PDE4D: variants seen among roughly 807,000 people sequenced by gnomAD.
PDE4D encodes phosphodiesterase 4D.
PDE4D carries 24 observed loss-of-function variants against 87.4 expected under a neutral mutation model. That is an observed-to-expected ratio of 0.27 (90% CI 0.20 to 0.39). PDE4D has a LOEUF of 0.39. Ranked by LOEUF, PDE4D falls within the 10% of genes least tolerant of loss-of-function variation. The pLI, the probability that PDE4D is intolerant of heterozygous loss-of-function variation, is 1.00. For synonymous variants in PDE4D, 384 were observed against 383.2 expected (o/e 1.00, Z -0.02); for missense variants, 714 against 1,041.0 (o/e 0.69, Z 4.32).
At chr5:59,688,018 A>C (rs1321125329) in intron 1 of PDE4D, among the ~76,000 whole-genome samples, 14 of 152,226 alleles carry the variant, frequency 9.2e-5, no homozygotes, top group Non-Finnish European at 1.5e-5. Context: ...AGAAGAGCTA[A>C]CTATCCTAAA....
At chr5:59,704,631 G>A (rs1753113900) in intron 1 of PDE4D, among the ~76,000 whole-genome samples, 1 of 152,158 alleles carries the variant, frequency 6.6e-6, no homozygotes, top group African/African-American at 2.4e-5. Flanking sequence ...TATAATTCCT[G>A]AATCCAGTGA....
chr5:59,559,421 A>T (rs58844364), intron 1 of PDE4D, among the ~76,000 whole-genome samples: 153 of 152,276 alleles, frequency 1.0e-3, no homozygotes, highest in African/African-American at 3.6e-3. Context: ...AAATTATTTC[A>T]TTTATTACAT....
At chr5:59,688,048 G>A (rs971833288) in intron 1 of PDE4D, among the ~76,000 whole-genome samples, 1 of 152,146 alleles carries the variant, frequency 6.6e-6, no homozygotes, top group South Asian at 2.1e-4. Context: ...ACCCAATACA[G>A]GAGCACCCAG....
chr5:58,972,014 A>G lies in PDE4D; in HGVS notation c.*2650T>C, dbSNP rs1742688060. The G allele has an allele frequency of 6.6e-6, 1 of 152,554 alleles. No individual in the cohort carries two copies. The highest frequency in any genetic ancestry group is 2.1e-4 in the South Asian group (1 of 4,824). 9.5% of individuals were successfully genotyped at this position (152,554 alleles called of 1,614,324 possible). On this transcript the variant is annotated 3_prime_UTR_variant, in exon 15 of 15. Transcript: ENST00000340635. Reference sequence around the variant, plus strand: ...ATTAAAAACCAACAAACTGGAAGAAAAAAAAAGAGCCTCTCTTTATTAGTG... The same window carrying G: ...ATTAAAAACCAACAAACTGGAAGAAGAAAAAAGAGCCTCTCTTTATTAGTG...
intron 1 of PDE4D, among the ~76,000 whole-genome samples, chr5:59,777,721 A>G (rs1202414114): frequency 6.6e-6 from 1 of 152,206 alleles, no homozygotes; most frequent in Admixed American, 6.5e-5. Context: ...CTTTATATTC[A>G]GGCATTTGTG....
At chr5:59,525,148 C>A (rs888883000) in intron 1 of PDE4D, among the ~76,000 whole-genome samples, 1 of 152,184 alleles carries the variant, frequency 6.6e-6, no homozygotes, top group Non-Finnish European at 1.5e-5. Context: ...GCTTGCACTG[C>A]GCACCTGGAA....
At chr5:59,159,730 C>G (rs1780765351) in intron 5 of PDE4D, among the ~76,000 whole-genome samples, 1 of 152,118 alleles carries the variant, frequency 6.6e-6, no homozygotes, top group Non-Finnish European at 1.5e-5. Flanking sequence ...ATGAATTGCC[C>G]TCAACCTTCA....
intron 5 of PDE4D, among the ~76,000 whole-genome samples, chr5:59,080,537 T>A (rs1580695633): frequency 6.6e-6 from 1 of 152,158 alleles, no homozygotes; most frequent in East Asian, 1.9e-4. Flanking sequence ...ATCGTCATAT[T>A]GCTTCTTGCC....
At chr5:59,160,016 T>C (rs186301047) in intron 5 of PDE4D, among the ~76,000 whole-genome samples, 13 of 152,292 alleles carry the variant, frequency 8.5e-5, no homozygotes, top group Admixed American at 5.9e-4. Context: ...AAAGCAGATG[T>C]TCATGAGGAA....
chr5:60,080,211 T>C (rs540157203), intron 2 of PDE4D, among the ~76,000 whole-genome samples: 1 of 152,362 alleles, frequency 6.6e-6, no homozygotes, highest in African/African-American at 2.4e-5. Context: ...AGAATGCTTG[T>C]GATTTTTGTA....
chr5:60,240,079 T>TTA lies in PDE4D; in HGVS notation c.-89-54394_-89-54393dup, dbSNP rs571859744. On this transcript the variant is annotated intron_variant, in intron 1 of 16. Coordinates refer to the PDE4D transcript ENST00000502484. ...ACTCAAACATGCCATGTTAACCTAT[T>TTA]TATTAGTCTTTTCAGGGCTTTCAGT... Among the ~76,000 whole-genome samples, 428 of 152,212 alleles carry TTA rather than the reference T, an allele frequency of 2.8e-3. 4 individuals are homozygous for TTA. Among genetic ancestry groups the TTA allele is most frequent in the Admixed American group, 0.013 (199 of 15,276 alleles).
intron 6 of PDE4D, among the ~76,000 whole-genome samples, chr5:59,000,413 T>C (rs1391741208): frequency 2.0e-5 from 3 of 152,134 alleles, no homozygotes; most frequent in African/African-American, 7.2e-5. Context: ...TCATCCAACA[T>C]AAAAGCATAG....
At chr5:60,336,406 C>A (rs2079448477) in intron 1 of PDE4D, among the ~76,000 whole-genome samples, 1 of 152,152 alleles carries the variant, frequency 6.6e-6, no homozygotes, top group South Asian at 2.1e-4. Flanking sequence ...GATAACTCAG[C>A]AAAGGTTCAT....
intron 1 of PDE4D, among the ~76,000 whole-genome samples, chr5:59,233,051 C>T (rs2153518028): frequency 6.6e-6 from 1 of 152,130 alleles, no homozygotes; most frequent in East Asian, 1.9e-4. Flanking sequence ...GAGAGGTTGG[C>T]TAACGTATGC....
At chr5:59,599,475 AGGTGATCCGCCCACCTTG>A (rs963311577) in intron 1 of PDE4D, among the ~76,000 whole-genome samples, 13 of 151,980 alleles carry the variant, frequency 8.6e-5, no homozygotes, top group Non-Finnish European at 1.5e-4. Context: ...TCCTGACCTC[AGGTGATCCGCCCACCTTG>A]GTCTCCCAAA....
chr5:59,055,971 A>T (rs1344573991), intron 5 of PDE4D, among the ~76,000 whole-genome samples: 2 of 152,200 alleles, frequency 1.3e-5, no homozygotes, highest in African/African-American at 4.8e-5. Flanking sequence ...GAAGCAAACA[A>T]CTAACAAATG....
intron 1 of PDE4D, among the ~76,000 whole-genome samples, chr5:59,847,390 C>A (rs1026148041): frequency 6.6e-6 from 1 of 151,990 alleles, no homozygotes; most frequent in African/African-American, 2.4e-5. Flanking sequence ...CAACCTCATT[C>A]TTCAGGCTGG....
At chr5:59,842,110 G>C (rs1011879907) in intron 1 of PDE4D, among the ~76,000 whole-genome samples, 1 of 152,072 alleles carries the variant, frequency 6.6e-6, no homozygotes, top group African/African-American at 2.4e-5. Flanking sequence ...CTGGTTTCCA[G>C]GTGGAACATG....
chr5:59,752,844 G>C (rs1415580244), intron 1 of PDE4D, among the ~76,000 whole-genome samples: 2 of 151,840 alleles, frequency 1.3e-5, no homozygotes, highest in Admixed American at 6.6e-5. Context: ...TAACACATAG[G>C]GTTGCAGAGA....
Sources: gnomAD v4.1 joint callset for allele counts (sites outside exome capture counted in the v4.1 genomes callset) on GRCh38, gnomAD v4.1.1 for gene constraint, MANE v1.5 for transcripts, NCBI Gene and HGNC (gene_info 2026-07-23, HGNC 2026-07-21) for gene names.